ARL15: variants seen among roughly 807,000 people sequenced by gnomAD.
ARL15 encodes the protein ARF like GTPase 15, also known as ADP-ribosylation factor-like protein 15.
A neutral mutation model predicts 25.2 loss-of-function variants in ARL15; 19 were observed. The observed-to-expected ratio is 0.75, with a 90% CI of 0.53 to 1.10. The LOEUF (loss-of-function observed/expected upper bound fraction) is 1.10. ARL15 is among the 50% of genes least tolerant of loss of function. ARL15 has a pLI of 0.00. For missense variants in ARL15, 220 were observed against 246.0 expected, an observed-to-expected ratio of 0.89 and a Z score of 0.71; for synonymous variants, 94 against 86.8, an observed-to-expected ratio of 1.08 and a Z score of -0.46.
chr5:54,179,412 C>T lies in ARL15; in HGVS notation c.49-7484G>A, dbSNP rs568120082. 4.6e-5 allele frequency among the ~76,000 whole-genome samples: 7 copies of T among 152,112 alleles called. No homozygotes were observed. The East Asian group carries it at 1.2e-3, about 25-fold the overall frequency. On this transcript the variant is annotated intron_variant, in intron 1 of 4. Coordinates refer to ENST00000504924, the MANE Select transcript of ARL15 (RefSeq NM_019087.3). ...CCTTTGTAACTGAAGAGAAAAACAC[C>T]GGGCAAAGGAAGGCGAAGATACAAG...
intron 4 of ARL15, among the ~76,000 whole-genome samples, chr5:54,095,238 C>G (rs1752250768): frequency 1.3e-5 from 2 of 152,170 alleles, no homozygotes; most frequent in African/African-American, 4.8e-5. Flanking sequence ...GAACTACTAT[C>G]TAATGACAAG....
At chr5:53,918,475 A>C (rs939649892) in intron 4 of ARL15, among the ~76,000 whole-genome samples, 1 of 152,162 alleles carries the variant, frequency 6.6e-6, no homozygotes, top group African/African-American at 2.4e-5. Flanking sequence ...TACAGGTGTA[A>C]GTCACTGCTG....
At position 54,069,063 on chromosome 5, in the gene ARL15, G is replaced by A. The variant is rs529999789; in HGVS notation, c.462+44139C>T. The stretch of plus-strand genomic sequence containing the variant: ...AAGAATCATGGGACTTCTTCAATGC[G>A]ACATTCTAAAATTACTGAAAGTGAA... On this transcript the variant is annotated intron_variant, in intron 4 of 4. Coordinates refer to ENST00000504924, the MANE Select transcript of ARL15 (RefSeq NM_019087.3). Among the ~76,000 whole-genome samples the A allele has an allele frequency of 1.2e-4, 18 of 152,160 alleles. 1 individual carries two copies. The South Asian group carries it at 3.1e-3, about 26-fold the overall frequency.
intron 4 of ARL15, among the ~76,000 whole-genome samples, chr5:53,934,716 A>G (rs1746302645): frequency 6.6e-6 from 1 of 152,196 alleles, no homozygotes; most frequent in Non-Finnish European, 1.5e-5. Flanking sequence ...AATCACAGTC[A>G]TATTTTCATA....
intron 4 of ARL15, chr5:53,887,281 A>G (rs1286528931): frequency 3.0e-6 from 2 of 656,440 alleles, no homozygotes; most frequent in Non-Finnish European, 2.7e-6. Context: ...AAGAGGATAG[A>G]AACTGCATGT....
intron 4 of ARL15, among the ~76,000 whole-genome samples, chr5:54,032,309 T>C (rs543568586): frequency 2.0e-5 from 3 of 152,020 alleles, no homozygotes; most frequent in South Asian, 2.1e-4. Context: ...TCTAGGCTCA[T>C]TGCAACCTCC....
chr5:54,220,097 A>G (rs1306862651), intron 1 of ARL15, among the ~76,000 whole-genome samples: 1 of 152,220 alleles, frequency 6.6e-6, no homozygotes, highest in Non-Finnish European at 1.5e-5. Flanking sequence ...GTTACTAATA[A>G]TCATGTAACT....
At chr5:54,284,753 C>T (rs949698598) in intron 1 of ARL15, among the ~76,000 whole-genome samples, 2 of 152,104 alleles carry the variant, frequency 1.3e-5, no homozygotes, top group Non-Finnish European at 2.9e-5. Flanking sequence ...ATCTCTAATC[C>T]TTACAAATAC....
intron 2 of ARL15, among the ~76,000 whole-genome samples, chr5:54,167,363 T>C (rs1194332733): frequency 1.3e-5 from 2 of 152,182 alleles, no homozygotes; most frequent in African/African-American, 2.4e-5. Context: ...GGGAGTTCAC[T>C]GAGCTCCACC....
intron 4 of ARL15, among the ~76,000 whole-genome samples, chr5:53,968,233 C>T (rs17310156): frequency 0.014 from 2,078 of 152,242 alleles, 36 homozygotes; most frequent in Non-Finnish European, 0.016. Flanking sequence ...AATTATACAG[C>T]TTTCAGATGA....
chr5:53,936,004 C>T (rs1434346477), intron 4 of ARL15, among the ~76,000 whole-genome samples: 1 of 152,136 alleles, frequency 6.6e-6, no homozygotes, highest in Non-Finnish European at 1.5e-5. Flanking sequence ...CTGCCTCAGC[C>T]TCCCAAAGTG....
At chr5:54,167,788 G>C (rs1203213023) in intron 2 of ARL15, among the ~76,000 whole-genome samples, 1 of 152,060 alleles carries the variant, frequency 6.6e-6, no homozygotes, top group African/African-American at 2.4e-5. Flanking sequence ...ATATTCCAAA[G>C]AGTTAAGGAG....
intron 4 of ARL15, among the ~76,000 whole-genome samples, chr5:54,037,074 T>G (rs1707528719): frequency 6.6e-6 from 1 of 152,024 alleles, no homozygotes; most frequent in African/African-American, 2.4e-5. Context: ...CAGAAATTAG[T>G]CTATTATTAG....
chr5:54,026,853 A>T (rs1418340174), intron 4 of ARL15, among the ~76,000 whole-genome samples: 1 of 152,134 alleles, frequency 6.6e-6, no homozygotes, highest in Non-Finnish European at 1.5e-5. Context: ...GGTTGTGAGA[A>T]ACATGTAAAC....
intron 3 of ARL15, among the ~76,000 whole-genome samples, chr5:54,125,047 C>T (rs1427844030): frequency 2.0e-5 from 3 of 151,418 alleles, no homozygotes; most frequent in African/African-American, 7.3e-5. Context: ...CTCTCTATTG[C>T]CTTTCTGGTA....
intron 4 of ARL15, among the ~76,000 whole-genome samples, chr5:53,947,654 C>T (rs1746794502): frequency 6.6e-6 from 1 of 152,122 alleles, no homozygotes; most frequent in Non-Finnish European, 1.5e-5. Flanking sequence ...GCATGTGGGT[C>T]TTCAGGTCGA....
At chr5:54,245,115 T>C (rs1043165009) in intron 1 of ARL15, among the ~76,000 whole-genome samples, 1 of 152,168 alleles carries the variant, frequency 6.6e-6, no homozygotes, top group Non-Finnish European at 1.5e-5. Flanking sequence ...TAAATTTAAC[T>C]TCATGATAAT....
intron 4 of ARL15, among the ~76,000 whole-genome samples, chr5:53,981,017 C>T (rs1013048863): frequency 6.6e-6 from 1 of 152,070 alleles, no homozygotes; most frequent in African/African-American, 2.4e-5. Flanking sequence ...AACTGCCCTG[C>T]CCCCTTTGCC....
At chr5:54,112,643 TAG>T (rs1752775015) in intron 4 of ARL15, among the ~76,000 whole-genome samples, 2 of 152,172 alleles carry the variant, frequency 1.3e-5, no homozygotes, top group South Asian at 2.1e-4. Context: ...CATGCTTTTA[TAG>T]GAGAGATACA....
Sources: gnomAD v4.1 joint callset for allele counts (sites outside exome capture counted in the v4.1 genomes callset) on GRCh38, gnomAD v4.1.1 for gene constraint, MANE v1.5 for transcripts, NCBI Gene and HGNC (gene_info 2026-07-23, HGNC 2026-07-21) for gene names.